Variants in ACBD6 observed in about 807,000 individuals in gnomAD.
ACBD6 encodes acyl-CoA-binding domain-containing protein 6.
In ACBD6, 28 loss-of-function variants were observed where a neutral mutation model predicts 37.2. The ratio of observed to expected loss-of-function variants is 0.75; its 90% CI spans 0.56 to 1.03. The LOEUF is 1.03. Among genes scored for constraint, ACBD6 ranks in the 50% least tolerant of loss-of-function variants. The pLI, the probability that ACBD6 is intolerant of heterozygous loss-of-function variation, is 0.00. For missense variants in ACBD6, 340 were observed against 337.4 expected, an observed-to-expected ratio of 1.01 and a Z score of -0.06; for synonymous variants, 113 against 126.8, an observed-to-expected ratio of 0.89 and a Z score of 0.73.
At chr1:180,374,636 G>A (rs866307503) in intron 6 of ACBD6, among the ~76,000 whole-genome samples, 1 of 152,008 alleles carries the variant, frequency 6.6e-6, no homozygotes, top group Non-Finnish European at 1.5e-5. Flanking sequence ...AAATCAACAG[G>A]TGACTTAACA....
intron 3 of ACBD6, among the ~76,000 whole-genome samples, chr1:180,466,816 G>C (rs1041640587): frequency 4.6e-5 from 7 of 152,074 alleles, no homozygotes; most frequent in African/African-American, 1.7e-4. Flanking sequence ...TGTGAAAAAG[G>C]AGTAACAACA....
intron 3 of ACBD6, among the ~76,000 whole-genome samples, chr1:180,441,447 T>C (rs967743564): frequency 2.6e-5 from 4 of 152,240 alleles, no homozygotes; most frequent in African/African-American, 9.6e-5. Context: ...TGCAATTCCA[T>C]ATAAATCAGA....
Position 180,466,835 on chromosome 1 carries a change from C to T in ACBD6, c.384+25434G>A, listed in dbSNP as rs545724377. Among the ~76,000 whole-genome samples the T allele has an allele frequency of 8.5e-5, 13 of 152,160 alleles. No individual in the cohort carries two copies. The South Asian group carries it at 2.7e-3, about 32-fold the overall frequency. On this transcript the variant is annotated intron_variant, in intron 3 of 7. Coordinates refer to ENST00000367595, the MANE Select transcript of ACBD6 (RefSeq NM_032360.4). ...AAAAAGGAGTAACAACAGCACCTAC[C>T]TCAAAGAGTTATTGTGACCAGTAAA...
chr1:180,275,053 C>T (rs1648946286), exon 10 of ACBD6: 1 of 154,518 alleles, frequency 6.5e-6, no homozygotes, highest in African/African-American at 2.4e-5. Context: ...TCTGGACCAT[C>T]CTTATTGAAC....
chr1:180,468,168 G>A (rs1427440939), intron 3 of ACBD6, among the ~76,000 whole-genome samples: 3 of 152,176 alleles, frequency 2.0e-5, no homozygotes, highest in Non-Finnish European at 2.9e-5. Context: ...AAAGAAAAAA[G>A]GAATCATCTG....
intron 6 of ACBD6, among the ~76,000 whole-genome samples, chr1:180,344,050 TAGA>T (rs1213466139): frequency 2.6e-5 from 4 of 152,288 alleles, no homozygotes; most frequent in Admixed American, 6.5e-5. Flanking sequence ...TGGCTCTGTA[TAGA>T]AGAAGAATTC....
At chr1:180,454,074 C>T (rs1649817703) in intron 3 of ACBD6, among the ~76,000 whole-genome samples, 1 of 152,114 alleles carries the variant, frequency 6.6e-6, no homozygotes, top group East Asian at 1.9e-4. Flanking sequence ...CAAGACAATC[C>T]TAAGCAAAAA....
intron 3 of ACBD6, among the ~76,000 whole-genome samples, chr1:180,445,090 GAAT>G (rs1425118571): frequency 1.3e-5 from 2 of 152,098 alleles, no homozygotes; most frequent in Non-Finnish European, 2.9e-5. Flanking sequence ...GTAAAAATGG[GAAT>G]AATAGTACCT....
chr1:180,371,216 T>A (rs1253746215), intron 6 of ACBD6, among the ~76,000 whole-genome samples: 5 of 152,000 alleles, frequency 3.3e-5, no homozygotes, highest in East Asian at 3.8e-4. Context: ...ATATATATAT[T>A]TTGTACAATT....
chr1:180,332,168 T>G (rs571418021), intron 6 of ACBD6, among the ~76,000 whole-genome samples: 175 of 152,286 alleles, frequency 1.1e-3, no homozygotes, highest in African/African-American at 4.2e-3. Context: ...ACAATACATT[T>G]CTGTTGTTTT....
chr1:180,435,645 A>G (rs1649004622), intron 3 of ACBD6: 2 of 1,004,680 alleles, frequency 2.0e-6, no homozygotes, highest in African/African-American at 3.2e-5. Context: ...ACTAATATGA[A>G]TGACGGGACA....
At chr1:180,488,643 T>C (rs917289354) in intron 3 of ACBD6, among the ~76,000 whole-genome samples, 1 of 152,144 alleles carries the variant, frequency 6.6e-6, no homozygotes, top group South Asian at 2.1e-4. Context: ...GGTGCAATCA[T>C]AGCTGACTGC....
intron 6 of ACBD6, among the ~76,000 whole-genome samples, chr1:180,324,542 T>C (rs937225322): frequency 2.0e-5 from 3 of 152,160 alleles, no homozygotes; most frequent in African/African-American, 4.8e-5. Flanking sequence ...TTGTTGCTTA[T>C]GTCTTATTGT....
intron 7 of ACBD6, among the ~76,000 whole-genome samples, chr1:180,305,356 C>G (rs1650311337): frequency 6.6e-6 from 1 of 152,196 alleles, no homozygotes; most frequent in South Asian, 2.1e-4. Flanking sequence ...ACTCATCTGA[C>G]AAAGGGCTAA....
Position 180,314,722 on chromosome 1 carries a change from C to T in ACBD6, c.664G>A (p.Asp222Asn). The T allele has an allele frequency of 1.3e-6, 2 of 1,532,004 alleles. No homozygotes were observed. Among genetic ancestry groups the T allele is most frequent in the Non-Finnish European group, 1.8e-6 (2 of 1,108,028 alleles). The allele number at this position is 1,532,004 out of a possible 1,614,324, so 94.9% of individuals were successfully genotyped here. The change falls in exon 7 of 8, where the codon GAC becomes AAC. Residue 222 changes from aspartate (D) to asparagine (N), a missense_variant and splice_region_variant. Transcript: ENST00000367595. ...TGTAGAGCTGTTTGGCCTTCATTGT[C>T]CTATAAAAGAAACAAATAATACATT... ...LQHRADINCQDNEGQTALHYA... is the reference protein window; with the variant it reads ...LQHRADINCQNNEGQTALHYA...
intron 6 of ACBD6, among the ~76,000 whole-genome samples, chr1:180,378,166 T>C (rs1205770902): frequency 6.6e-6 from 1 of 152,098 alleles, no homozygotes; most frequent in Non-Finnish European, 1.5e-5. Flanking sequence ...AATCCCTTAA[T>C]ATGATGCACT....
intron 12 of ACBD6, chr1:180,272,753 G>A (rs974793450): frequency 2.6e-5 from 4 of 152,250 alleles, no homozygotes; most frequent in African/African-American, 9.6e-5. Flanking sequence ...TTCCAGTGCA[G>A]CTCTGTCAAA....
chr1:180,349,895 C>T (rs1182084871), intron 6 of ACBD6, among the ~76,000 whole-genome samples: 1 of 151,890 alleles, frequency 6.6e-6, no homozygotes, highest in African/African-American at 2.4e-5. Flanking sequence ...ACCATAAAAT[C>T]ACGTAAATAT....
In ACBD6 at chr1:180,345,342, T is replaced by C. The variant is rs1652138563; in HGVS notation, c.664-30620A>G. The stretch of plus-strand genomic sequence containing the variant: ...ACTTTTACAGTGAAAATTTACATAG[T>C]CTGTTAGGCCCACAAAACAGTTCCT... On this transcript the variant is annotated intron_variant, in intron 6 of 7. Transcript: ENST00000367595. 2.0e-5 allele frequency among the ~76,000 whole-genome samples: 3 copies of C among 152,178 alleles called. No individual in the cohort carries two copies. In the South Asian group the frequency reaches 6.2e-4, roughly 31 times the overall value.
Sources: allele counts gnomAD v4.1 joint callset (sites outside exome capture counted in the v4.1 genomes callset), GRCh38; gene constraint gnomAD v4.1.1; transcripts MANE v1.5; gene names NCBI Gene and HGNC (gene_info 2026-07-23, HGNC 2026-07-21).